The following NR2C2 variants were observed in gnomAD, a reference collection of about 807,000 sequenced individuals.
NR2C2 encodes nuclear receptor subfamily 2 group C member 2.
NR2C2 carries 6 observed loss-of-function variants against 62.9 expected under a neutral mutation model. The ratio of observed to expected loss-of-function variants is 0.10; its 90% CI spans 0.05 to 0.19. NR2C2 has a LOEUF of 0.19. Ranked by LOEUF, NR2C2 falls within the 10% of genes least tolerant of loss-of-function variation. The pLI is 1.00. For synonymous variants in NR2C2, 272 were observed against 273.8 expected (o/e 0.99, Z 0.07); for missense variants, 479 against 762.7 (o/e 0.63, Z 4.38).
chr3:15,023,176 C>T (rs1331405814), intron 5 of NR2C2, 24 bp from the exon 6 acceptor site: 3 of 1,610,894 alleles, frequency 1.9e-6, no homozygotes, highest in Admixed American at 3.3e-5. Context: ...TCTCTAAACA[C>T]AAATATTTAT....
intron 5 of NR2C2, among the ~76,000 whole-genome samples, chr3:15,021,358 G>A (rs988719299): frequency 6.6e-6 from 1 of 152,164 alleles, no homozygotes; most frequent in African/African-American, 2.4e-5. Context: ...CCTACTCCCT[G>A]TCTTCTTAGC....
intron 1 of NR2C2, among the ~76,000 whole-genome samples, chr3:14,961,258 A>C (rs1320178503): frequency 6.6e-6 from 1 of 152,240 alleles, no homozygotes; most frequent in African/African-American, 2.4e-5. Flanking sequence ...TCTAATAATA[A>C]ATAGAATGAT....
intron 4 of NR2C2, among the ~76,000 whole-genome samples, chr3:15,019,223 CA>C (rs1203984925): frequency 6.9e-6 from 1 of 144,646 alleles, no homozygotes. Flanking sequence ...ACTCTTGTCT[CA>C]AAAAAAAAGA....
In NR2C2 at chr3:15,039,097, G is replaced by T. The variant is rs535516368; in HGVS notation, c.1511-25G>T. 1,186 of 1,538,522 alleles carry T rather than the reference G, an allele frequency of 7.7e-4. 8 individuals are homozygous for T. The East Asian group carries it at 0.012, about 16-fold the overall frequency. On this transcript the variant is annotated intron_variant, in intron 12 of 13. Transcript: ENST00000425241. The stretch of plus-strand genomic sequence containing the variant: ...GACTTTTCAAATACAGAGGGAACTG[G>T]GGGGGGGTACTTTTCTGTTTTCAGA...
At chr3:14,995,668 C>CGTGTGTGTGTGTGTGTGTGTGTGTGTGT (rs58878848) in intron 1 of NR2C2, among the ~76,000 whole-genome samples, 13 of 148,626 alleles carry the variant, frequency 8.7e-5, no homozygotes, top group South Asian at 4.3e-4. Context: ...GTTTTCATTA[C>CGTGTGTGTGTGTGTGTGTGTGTGTGTGT]GTGTGTGTGT....
chr3:14,981,581 C>T (rs978263725), intron 1 of NR2C2, among the ~76,000 whole-genome samples: 12 of 132,560 alleles, frequency 9.1e-5, no homozygotes, highest in South Asian at 2.3e-4. Flanking sequence ...CCATCCTGGG[C>T]GACAGAGCGA....
intron 1 of NR2C2, among the ~76,000 whole-genome samples, chr3:14,953,250 T>A (rs1233810593): frequency 6.6e-6 from 1 of 152,166 alleles, no homozygotes; most frequent in African/African-American, 2.4e-5. Context: ...TAATAGGAGG[T>A]GAAACTTTCT....
intron 2 of NR2C2, among the ~76,000 whole-genome samples, chr3:15,005,603 G>T (rs1227931177): frequency 6.7e-6 from 1 of 149,138 alleles, no homozygotes; most frequent in Non-Finnish European, 1.5e-5. Flanking sequence ...GGATCATAGG[G>T]CACTACAACC....
At chr3:14,951,054 A>G (rs930950397) in intron 1 of NR2C2, among the ~76,000 whole-genome samples, 2 of 152,252 alleles carry the variant, frequency 1.3e-5, no homozygotes, top group Non-Finnish European at 2.9e-5. Flanking sequence ...ATGAAAGTTA[A>G]TAAGTTCATA....
chr3:14,964,251 C>T (rs2039772449), intron 1 of NR2C2, among the ~76,000 whole-genome samples: 1 of 152,068 alleles, frequency 6.6e-6, no homozygotes, highest in African/African-American at 2.4e-5. Flanking sequence ...TAAATGTGAG[C>T]TATACATACT....
intron 5 of NR2C2, among the ~76,000 whole-genome samples, chr3:15,021,491 C>T (rs2041666992): frequency 6.6e-6 from 1 of 152,192 alleles, no homozygotes; most frequent in African/African-American, 2.4e-5. Flanking sequence ...CCCTCCTTTC[C>T]ACTCCCATAG....
At chr3:14,959,735 C>T (rs955732263) in intron 1 of NR2C2, 6 of 152,096 alleles carry the variant, frequency 3.9e-5, no homozygotes, top group African/African-American at 1.4e-4. Flanking sequence ...TGTGGGAGAA[C>T]AAGGTGGGGG....
In NR2C2 at chr3:14,965,640, G is replaced by A. The variant is rs185674889; in HGVS notation, c.-40+17734G>A. 2.0e-3 allele frequency among the ~76,000 whole-genome samples: 293 copies of A among 149,526 alleles called. 1 individual carries two copies. Among genetic ancestry groups the A allele is most frequent in the African/African-American group, 6.9e-3 (278 of 40,274 alleles). ...AAAATATTTCCTAGATTTCCTTGCT[G>A]TTTTTTTTGTTTGTTTGTTTTTGTT... On this transcript the variant is annotated intron_variant, in intron 1 of 13. Transcript: ENST00000425241.
intron 1 of NR2C2, among the ~76,000 whole-genome samples, chr3:14,977,961 A>AG (rs1354760867): frequency 4.0e-5 from 6 of 148,900 alleles, no homozygotes; most frequent in East Asian, 2.0e-4. Flanking sequence ...AAAAAAAAAA[A>AG]AAGAAGAAGA....
chr3:14,998,871 G>A lies in NR2C2; in HGVS notation c.-39-5005G>A, dbSNP rs1411249452. Among the ~76,000 whole-genome samples, 8 of 152,106 alleles carry A rather than the reference G, an allele frequency of 5.3e-5. No individual in the cohort carries two copies. In the South Asian group the frequency reaches 6.2e-4, roughly 12 times the overall value. On this transcript the variant is annotated intron_variant, in intron 1 of 13. Transcript: ENST00000425241. ...GCAAAAATATTTAAAATTAGGTGGC[G>A]CACGCCCATAGTCCCAGTTACATGG... is the stretch of plus-strand genomic sequence containing the variant.
intron 2 of NR2C2, chr3:15,004,415 A>G (rs1443293318): frequency 1.4e-5 from 10 of 732,008 alleles, no homozygotes; most frequent in African/African-American, 3.6e-5. Context: ...ATTATGAAGA[A>G]TCAAAGGGAT....
At chr3:15,013,867 C>A in intron 3 of NR2C2, 78 bp downstream of exon 3, 1 of 1,468,576 alleles carries the variant, frequency 6.8e-7, no homozygotes, top group South Asian at 1.2e-5. Flanking sequence ...CATCTGCCTT[C>A]GAGGCCAAAT....
Position 14,947,722 on chromosome 3 carries a change from C to G in NR2C2, c.-224C>G, listed in dbSNP as rs1324067257. On this transcript the variant is annotated 5_prime_UTR_variant, in exon 1 of 14. Transcript: ENST00000425241. Reference sequence around the variant, plus strand: ...CCGGCGGCGCCCCCGGGCCCGTCCCCGCCACCCCGCTCCCACCTCGGCGTC... The same window carrying G: ...CCGGCGGCGCCCCCGGGCCCGTCCCGGCCACCCCGCTCCCACCTCGGCGTC... 2.7e-5 allele frequency: 4 copies of G among 149,806 alleles called. No individual in the cohort carries two copies. The East Asian group carries it at 8.0e-4, about 30-fold the overall frequency. The allele number at this position is 149,806 out of a possible 1,614,324, so 9.3% of individuals were successfully genotyped here.
At chr3:15,009,520 A>G (rs1160195033) in intron 2 of NR2C2, among the ~76,000 whole-genome samples, 1 of 152,218 alleles carries the variant, frequency 6.6e-6, no homozygotes, top group Non-Finnish European at 1.5e-5. Flanking sequence ...TCTTTTCACA[A>G]CAAGCATTAT....
Sources: gnomAD v4.1 joint callset for allele counts (sites outside exome capture counted in the v4.1 genomes callset) on GRCh38, gnomAD v4.1.1 for gene constraint, MANE v1.5 for transcripts, NCBI Gene and HGNC (gene_info 2026-07-23, HGNC 2026-07-21) for gene names.